IL1A: variants seen among roughly 807,000 people sequenced by gnomAD.
IL1A encodes the protein interleukin-1 alpha.
A neutral mutation model predicts 22.2 loss-of-function variants in IL1A; 16 were observed. The observed-to-expected ratio is 0.72, with a 90% CI of 0.49 to 1.09. The LOEUF (loss-of-function observed/expected upper bound fraction) is 1.09, where lower values mean the gene tolerates loss of function less well. Ranked by LOEUF, IL1A falls within the 50% of genes least tolerant of loss-of-function variation. IL1A has a pLI of 0.00. For missense variants in IL1A, 317 were observed against 321.8 expected, an observed-to-expected ratio of 0.99 and a Z score of 0.11; for synonymous variants, 113 against 118.5, an observed-to-expected ratio of 0.95 and a Z score of 0.30.
chr2:112,783,686 C>A, intron 2 of IL1A, 38 bp downstream of exon 2: 3 of 1,569,418 alleles, frequency 1.9e-6, no homozygotes, highest in Non-Finnish European at 2.6e-6. Flanking sequence ...AGCCTTGAAA[C>A]CCTCATTAAA....
rs1490159631 is a variant in IL1A at position 112,774,445 on chromosome 2, A to G, written c.*622T>C. 1.3e-5 allele frequency: 2 copies of G among 150,382 alleles called. No individual in the cohort carries two copies. The highest frequency in any genetic ancestry group is 4.9e-5 in the African/African-American group (2 of 41,160). The allele number at this position is 150,382 out of a possible 1,614,324, so 9.3% of individuals were successfully genotyped here. ...ATCTTAAATATATTTATAAATACATATATAAATAATAATTAAAAAATAACA... is the reference window on the plus strand; with the variant it reads ...ATCTTAAATATATTTATAAATACATGTATAAATAATAATTAAAAAATAACA... On this transcript the variant is annotated 3_prime_UTR_variant, in exon 7 of 7. Coordinates refer to ENST00000263339, the MANE Select transcript of IL1A (RefSeq NM_000575.5).
At chr2:112,775,997 C>T (rs1425088116) in intron 6 of IL1A, among the ~76,000 whole-genome samples, 1 of 152,018 alleles carries the variant, frequency 6.6e-6, no homozygotes, top group Admixed American at 6.6e-5. Context: ...GATTTATTTC[C>T]CAAACCTATT....
Position 112,775,069 on chromosome 2 carries a change from A to G in IL1A, c.814T>C (p.Ter272GlnextTer36). 1 of 1,613,348 alleles carries G rather than the reference A, an allele frequency of 6.2e-7. No individual in the cohort carries two copies. Among genetic ancestry groups the G allele is most frequent in the Non-Finnish European group, 8.5e-7 (1 of 1,179,392 alleles). Residue 272 changes from the stop codon to glutamine (Q), a stop_lost, in exon 7 of 7, where the codon TAG becomes CAG. Coordinates refer to ENST00000263339, the MANE Select transcript of IL1A (RefSeq NM_000575.5). Reference protein sequence around the residue: ...TDFQILENQA* With the variant: ...TDFQILENQAQ ...GTGAGACAAGTGAGACTCCAGACCTACGCCTGGTTTTCCAGTATCTGAAAG... is the reference window on the plus strand; with the variant it reads ...GTGAGACAAGTGAGACTCCAGACCTGCGCCTGGTTTTCCAGTATCTGAAAG...
chr2:112,782,019 T>C (rs1200793892), intron 3 of IL1A, among the ~76,000 whole-genome samples, 193 bp from the exon 4 acceptor site: 1 of 151,974 alleles, frequency 6.6e-6, no homozygotes, highest in Non-Finnish European at 1.5e-5. Context: ...GATAAAAAGA[T>C]GATTTTTTTA....
At chr2:112,782,484 T>G (rs1370606119) in intron 3 of IL1A, among the ~76,000 whole-genome samples, 4 of 152,218 alleles carry the variant, frequency 2.6e-5, no homozygotes, top group African/African-American at 9.7e-5. Context: ...CCCAGGAGAC[T>G]CCAGTTCTCA....
Position 112,774,892 on chromosome 2 carries a change from A to G in IL1A, c.*175T>C, listed in dbSNP as rs1681073359. 1.7e-6 allele frequency: 1 copy of G among 583,800 alleles called. No homozygotes were observed. Among genetic ancestry groups the G allele is most frequent in the Admixed American group, 3.0e-5 (1 of 33,360 alleles). The allele number at this position is 583,800 out of a possible 1,614,324, so 36.2% of individuals were successfully genotyped here. On this transcript the variant is annotated 3_prime_UTR_variant, in exon 7 of 7. Coordinates refer to ENST00000263339, the MANE Select transcript of IL1A (RefSeq NM_000575.5). ...AAATATAGGGTGTTCTTTAAATAAC[A>G]ACATTATATGTTAGTGTTGGTTCCA...
chr2:112,779,583 T>A lies in IL1A; in HGVS notation c.403A>T (p.Ile135Phe). The change falls in exon 5 of 7, where the codon ATC (isoleucine) becomes TTC (phenylalanine). Residue 135 changes from isoleucine to phenylalanine, a missense_variant. By Grantham distance (21) the Ile-to-Phe change is conservative. Transcript: ENST00000263339. ...CTTTGATTGAGGGCGTCATTCAGGA[T>A]GAATTCGTATTTGATGATCCTCATA... ...NFMRIIKYEF[I>F]LNDALNQSII... 1.2e-6 allele frequency: 2 copies of A among 1,613,078 alleles called. No homozygotes were observed. The highest frequency in any genetic ancestry group is 1.7e-6 in the Non-Finnish European group (2 of 1,179,140).
intron 3 of IL1A, 78 bp downstream of exon 3, chr2:112,782,638 G>T: frequency 9.6e-7 from 1 of 1,044,612 alleles, no homozygotes. Flanking sequence ...GAAGATTCAA[G>T]TCATTGCTGT....
In IL1A at chr2:112,777,988, T is replaced by C. The variant is rs777688692; in HGVS notation, c.614A>G (p.Lys205Arg). 6.2e-7 allele frequency: 1 copy of C among 1,614,052 alleles called. No individual in the cohort carries two copies. The highest frequency in any genetic ancestry group is 8.5e-7 in the Non-Finnish European group (1 of 1,179,978). ...AQDEDQPVLLKEMPEIPKTIT... is the reference protein window; with the variant it reads ...AQDEDQPVLLREMPEIPKTIT... ...AGTTGGAGACAAAGGACAACTGACCTTCAGCAGCACTGGTTGGTCTTCATC... is the reference window on the plus strand; with the variant it reads ...AGTTGGAGACAAAGGACAACTGACCCTCAGCAGCACTGGTTGGTCTTCATC... Residue 205 changes from lysine (K) to arginine (R), a missense_variant and splice_region_variant, in exon 6 of 7, where the codon AAG becomes AGG. Physicochemically the swap from Lys to Arg is conservative, Grantham distance 26. Transcript: ENST00000263339.
intron 5 of IL1A, among the ~76,000 whole-genome samples, chr2:112,778,704 C>T (rs1442776955): frequency 2.6e-5 from 4 of 152,088 alleles, no homozygotes; most frequent in Admixed American, 6.5e-5. Context: ...AAGGGACCAA[C>T]GTAGCAACCT....
At chr2:112,783,616 T>A (rs1160335077) in intron 2 of IL1A, 108 bp downstream of exon 2, 1 of 892,546 alleles carries the variant, frequency 1.1e-6, no homozygotes, top group East Asian at 2.5e-5. Flanking sequence ...TACACATCTC[T>A]ACAACCTCTG....
At chr2:112,780,753 A>C in intron 4 of IL1A, among the ~76,000 whole-genome samples, 1 of 16,074 alleles carries the variant, frequency 6.2e-5, no homozygotes, top group South Asian at 2.2e-3. Context: ...AATAATAATC[A>C]TAGGCCGGGC....
chr2:112,775,974 C>A (rs992543470), intron 6 of IL1A, among the ~76,000 whole-genome samples: 3 of 152,146 alleles, frequency 2.0e-5, no homozygotes, highest in African/African-American at 7.2e-5. Flanking sequence ...CTTGGGGTTT[C>A]CAATGTCAGC....
At chr2:112,776,073 C>T (rs1681096989) in intron 6 of IL1A, among the ~76,000 whole-genome samples, 1 of 152,080 alleles carries the variant, frequency 6.6e-6, no homozygotes, top group African/African-American at 2.4e-5. Flanking sequence ...GTTCTATCTC[C>T]AAAATATAAC....
intron 3 of IL1A, among the ~76,000 whole-genome samples, chr2:112,782,380 A>G (rs1213936663): frequency 6.6e-6 from 1 of 152,208 alleles, no homozygotes; most frequent in Non-Finnish European, 1.5e-5. Flanking sequence ...AGAGAAGACA[A>G]CCACAACACA....
intron 4 of IL1A, among the ~76,000 whole-genome samples, chr2:112,780,377 G>T (rs1366716513): frequency 6.6e-6 from 1 of 152,204 alleles, no homozygotes; most frequent in Admixed American, 6.5e-5. Context: ...AACTCTCACT[G>T]ACGATATGAG....
Position 112,779,585 on chromosome 2 carries a change from A to C in IL1A, c.401T>G (p.Phe134Cys). ...TTGATTGAGGGCGTCATTCAGGATG[A>C]ATTCGTATTTGATGATCCTCATAAA... ...YNFMRIIKYE[F>C]ILNDALNQSI... The change falls in exon 5 of 7, where the codon TTC (phenylalanine) becomes TGC (cysteine). Residue 134 changes from phenylalanine (F) to cysteine (C), a missense_variant. Phe to Cys is a radical substitution (Grantham distance 205). Transcript: ENST00000263339. 1 of 1,613,224 alleles carries C rather than the reference A, an allele frequency of 6.2e-7. No homozygotes were observed. Among genetic ancestry groups the C allele is most frequent in the Non-Finnish European group, 8.5e-7 (1 of 1,179,274 alleles).
intron 3 of IL1A, 44 bp from the exon 4 acceptor site, chr2:112,781,870 G>C: frequency 7.2e-7 from 1 of 1,387,320 alleles, no homozygotes; most frequent in Non-Finnish European, 1.0e-6. Flanking sequence ...TTCATGGTCA[G>C]GGAATGAAAG....
At chr2:112,779,074 A>G (rs3783543) in intron 5 of IL1A, among the ~76,000 whole-genome samples, 105,374 of 152,102 alleles carry the variant, frequency 0.69, 37,283 homozygotes, top group Middle Eastern at 0.79. Flanking sequence ...AGATCTTCCT[A>G]GTTTGGTGTT....
Sources: gnomAD v4.1 joint callset for allele counts (sites outside exome capture counted in the v4.1 genomes callset) on GRCh38, gnomAD v4.1.1 for gene constraint, MANE v1.5 for transcripts, NCBI Gene and HGNC (gene_info 2026-07-23, HGNC 2026-07-21) for gene names.